EFCAB3: variants seen among roughly 807,000 people sequenced by gnomAD.
EFCAB3 encodes EF-hand calcium binding domain 3.
EFCAB3 carries 36 observed loss-of-function variants against 42.2 expected under a neutral mutation model. The observed-to-expected ratio is 0.85, with a 90% CI of 0.65 to 1.13. The LOEUF (loss-of-function observed/expected upper bound fraction) is 1.13. Ranked by LOEUF, EFCAB3 falls within the 50% of genes most tolerant of loss-of-function variation. The probability of loss-of-function intolerance (pLI) is 0.00; values close to 1 mark genes in which losing one functional copy is unlikely to be tolerated. For missense variants in EFCAB3, 418 were observed against 505.1 expected, an observed-to-expected ratio of 0.83 and a Z score of 1.65; for synonymous variants, 170 against 172.8, an observed-to-expected ratio of 0.98 and a Z score of 0.13.
At chr17:62,412,662 G>C (rs569428198) in intron 8 of EFCAB3, among the ~76,000 whole-genome samples, 1 of 151,374 alleles carries the variant, frequency 6.6e-6, no homozygotes, top group Non-Finnish European at 1.5e-5. Flanking sequence ...ATGGGGTTTC[G>C]CCATGTTGGC....
chr17:62,391,171 A>G (rs1489269400), intron 3 of EFCAB3, among the ~76,000 whole-genome samples: 3 of 152,114 alleles, frequency 2.0e-5, no homozygotes, highest in Non-Finnish European at 4.4e-5. Context: ...GACTGAAATT[A>G]AGGTGTTGGC....
At chr17:62,374,224 G>A (rs1393377577) in intron 2 of EFCAB3, among the ~76,000 whole-genome samples, 3 of 152,178 alleles carry the variant, frequency 2.0e-5, no homozygotes, top group Non-Finnish European at 2.9e-5. Flanking sequence ...ACTTTGGGAG[G>A]CCAAGGCGGG....
rs146614310 is a variant in EFCAB3, at chr17:62,405,558, A to G, written c.489-922A>G. 1.7e-3 allele frequency among the ~76,000 whole-genome samples: 263 copies of G among 152,372 alleles called. 2 individuals are homozygous for G. The highest frequency in any genetic ancestry group is 6.1e-3 in the African/African-American group (255 of 41,586). On this transcript the variant is annotated intron_variant, in intron 6 of 9. Coordinates refer to ENST00000305286, the MANE Select transcript of EFCAB3 (RefSeq NM_173503.4). ...AGGTTCCACTGCCAAAGCAGTGAGA[A>G]GCAAGTCCTTCCACCTCAGCAGCAG...
intron 1 of EFCAB3, among the ~76,000 whole-genome samples, chr17:62,371,876 A>C (rs1362728862): frequency 1.3e-5 from 2 of 152,208 alleles, no homozygotes; most frequent in African/African-American, 4.8e-5. Context: ...ATATCCCAGA[A>C]AAAGATGTTC....
Position 62,407,177 on chromosome 17 carries a change from G to A in EFCAB3, c.832G>A (p.Asp278Asn), listed in dbSNP as rs1421413429. 6.3e-7 allele frequency: 1 copy of A among 1,596,650 alleles called. No homozygotes were observed. Among genetic ancestry groups the A allele is most frequent in the Non-Finnish European group, 8.5e-7 (1 of 1,175,112 alleles). ...RIKEPLHFFEDYFFHKRDWKT... is the reference protein window; with the variant it reads ...RIKEPLHFFENYFFHKRDWKT... ...AAAGGAGCCTTTGCATTTCTTTGAGGATTATTTTTTCCATAAAAGAGACTG... is the reference window on the plus strand; with the variant it reads ...AAAGGAGCCTTTGCATTTCTTTGAGAATTATTTTTTCCATAAAAGAGACTG... The change falls in exon 8 of 10, where the codon GAT becomes AAT. Residue 278 changes from aspartate (D) to asparagine (N), a missense_variant. Physicochemically the swap from Asp to Asn is conservative, Grantham distance 23. Coordinates refer to ENST00000305286, the MANE Select transcript of EFCAB3 (RefSeq NM_173503.4).
Position 62,409,348 on chromosome 17 carries a change from C to T in EFCAB3, c.867+2136C>T, listed in dbSNP as rs533928184. Among the ~76,000 whole-genome samples the T allele has an allele frequency of 3.9e-5, 6 of 152,256 alleles. No homozygotes were observed. In the East Asian group the frequency reaches 5.8e-4, roughly 15 times the overall value. Reference sequence around the variant, plus strand: ...CTGGGATTACAGGCATGAGCCACCACGTTTGGCCAATAAATTATTTTTTAA... The same window carrying T: ...CTGGGATTACAGGCATGAGCCACCATGTTTGGCCAATAAATTATTTTTTAA... On this transcript the variant is annotated intron_variant, in intron 8 of 9. Transcript: ENST00000305286.
chr17:62,392,639 TG>T (rs960799531), intron 4 of EFCAB3, among the ~76,000 whole-genome samples: 10 of 152,012 alleles, frequency 6.6e-5, no homozygotes, highest in South Asian at 2.1e-4. Flanking sequence ...ATACAGATAA[TG>T]TTTTTTTTTT....
At chr17:62,391,219 C>T (rs368053625) in intron 3 of EFCAB3, among the ~76,000 whole-genome samples, 2 of 152,144 alleles carry the variant, frequency 1.3e-5, no homozygotes, top group African/African-American at 4.8e-5. Flanking sequence ...AATCTCCTGA[C>T]CTCGTGATCC....
At position 62,413,856 on chromosome 17, in the gene EFCAB3, T is replaced by C. The variant is rs1220083381; in HGVS notation, c.990+2T>C. 2.5e-6 allele frequency: 4 copies of C among 1,608,930 alleles called. No individual in the cohort carries two copies. Among genetic ancestry groups the C allele is most frequent in the Non-Finnish European group, 3.4e-6 (4 of 1,178,060 alleles). On this transcript the variant is annotated splice_donor_variant, in intron 9 of 9. Coordinates refer to ENST00000305286, the MANE Select transcript of EFCAB3 (RefSeq NM_173503.4). LOFTEE classifies it high-confidence loss of function. ...GATGCAACTGCTATTAAACAACATG[T>C]GAGTATTCCTTGTTGAGTTCCTTCC... is the stretch of plus-strand genomic sequence containing the variant.
At chr17:62,391,706 G>T in intron 3 of EFCAB3, 116 bp from the exon 4 acceptor site, 2 of 1,142,258 alleles carry the variant, frequency 1.8e-6, no homozygotes, top group African/African-American at 1.5e-5. Flanking sequence ...CATTTTTTTC[G>T]CAATCCTTTT....
At chr17:62,405,404 G>A (rs2070439253) in intron 6 of EFCAB3, among the ~76,000 whole-genome samples, 2 of 152,222 alleles carry the variant, frequency 1.3e-5, no homozygotes, top group South Asian at 4.1e-4. Context: ...ATCCCAGAGA[G>A]TAGTGAAGCC....
chr17:62,386,292 G>A (rs2070250295), intron 2 of EFCAB3, among the ~76,000 whole-genome samples: 1 of 152,002 alleles, frequency 6.6e-6, no homozygotes. Context: ...AAAGTATCTT[G>A]AAAGTATTAA....
At chr17:62,397,548 C>A (rs2070360884) in intron 6 of EFCAB3, 5 of 579,412 alleles carry the variant, frequency 8.6e-6, no homozygotes, top group Non-Finnish European at 1.7e-5. Flanking sequence ...GCTTCTCATG[C>A]AAAAGGAATT....
At chr17:62,377,332 G>GCCAAA (rs1019867079), upstream of EFCAB3, among the ~76,000 whole-genome samples, 1 of 152,060 alleles carries the variant, frequency 6.6e-6, no homozygotes, top group Non-Finnish European at 1.5e-5. Context: ...ATCTGGCCAG[G>GCCAAA]CCAAACCAAA....
chr17:62,414,338 T>C (rs891306323), intron 9 of EFCAB3, among the ~76,000 whole-genome samples: 2 of 152,246 alleles, frequency 1.3e-5, no homozygotes, highest in Non-Finnish European at 2.9e-5. Context: ...TTCTTTGGGC[T>C]ATCTCAATCT....
chr17:62,380,041 G>A (rs923348454), upstream of EFCAB3, among the ~76,000 whole-genome samples: 4 of 152,076 alleles, frequency 2.6e-5, no homozygotes, highest in African/African-American at 9.7e-5. Flanking sequence ...TCGCTCTGTC[G>A]CCCAGGCTAG....
chr17:62,406,585 A>G lies in EFCAB3; in HGVS notation c.594A>G (p.Pro198=), dbSNP rs1457020223. 1 of 1,614,096 alleles carries G rather than the reference A, an allele frequency of 6.2e-7. No individual in the cohort carries two copies. Among genetic ancestry groups the G allele is most frequent in the Admixed American group, 1.7e-5 (1 of 59,990 alleles). The change falls in exon 7 of 10, where the codon CCA becomes CCG. Residue 198 remains proline (P), a synonymous_variant. Transcript: ENST00000305286. ...RTLKPDICTP[P]SSSMAAFANA... is the part of the protein sequence containing the mutation. ...TTAAGCCAGACATATGCACACCTCC[A>G]AGCTCAAGCATGGCTGCCTTTGCTA...
At chr17:62,381,830 C>T in intron 1 of EFCAB3, 1 of 434,750 alleles carries the variant, frequency 2.3e-6, no homozygotes, top group Non-Finnish European at 4.6e-6. Context: ...TTGAAGATGT[C>T]ATTGCCCAGG....
At chr17:62,409,099 C>T (rs1307082144) in intron 8 of EFCAB3, among the ~76,000 whole-genome samples, 2 of 152,078 alleles carry the variant, frequency 1.3e-5, no homozygotes, top group African/African-American at 2.4e-5. Flanking sequence ...GCTCTGTTGC[C>T]CAGGCTGGAA....
Sources: allele counts gnomAD v4.1 joint callset (sites outside exome capture counted in the v4.1 genomes callset), GRCh38; gene constraint gnomAD v4.1.1; transcripts MANE v1.5; gene names NCBI Gene and HGNC (gene_info 2026-07-23, HGNC 2026-07-21).